Variants in ZNF66 observed in about 807,000 individuals in gnomAD.
The protein encoded by ZNF66 is zinc finger protein 66, also known as putative zinc finger protein 66.
ZNF66 carries 32 observed loss-of-function variants against 35.2 expected under a neutral mutation model. The ratio of observed to expected loss-of-function variants is 0.91; its 90% CI spans 0.69 to 1.22. ZNF66 has a LOEUF of 1.22. Among genes scored for constraint, ZNF66 ranks in the 50% most tolerant of loss-of-function variants. The pLI is 0.00. For missense variants in ZNF66, 666 were observed against 543.1 expected (o/e 1.23, Z -2.25); for synonymous variants, 231 against 181.3 (o/e 1.27, Z -2.20).
Position 20,807,028 on chromosome 19 carries a change from T to A in ZNF66, c.1428T>A (p.Thr476=). ...SNLTKHKKIH[T]GEKPYKCEEC... Reference sequence around the variant, plus strand: ...TTACTAAACACAAGAAAATTCATACTGGAGAGAAGCCTTACAAATGTGAAG... The same window carrying A: ...TTACTAAACACAAGAAAATTCATACAGGAGAGAAGCCTTACAAATGTGAAG... Residue 476 remains threonine, a synonymous_variant, in exon 4 of 4, where the codon ACT becomes ACA. Coordinates refer to ENST00000344519, the MANE Select transcript of ZNF66 (RefSeq NM_001355197.2). 1 of 873,678 alleles carries A rather than the reference T, an allele frequency of 1.1e-6. No individual in the cohort carries two copies. The highest frequency in any genetic ancestry group is 2.0e-6 in the Non-Finnish European group (1 of 509,712). 54.1% of individuals were successfully genotyped at this position (873,678 alleles called of 1,614,324 possible).
intron 3 of ZNF66, among the ~76,000 whole-genome samples, chr19:20,802,415 A>T (rs1971456277): frequency 1.3e-5 from 2 of 152,212 alleles, no homozygotes; most frequent in African/African-American, 4.8e-5. Flanking sequence ...TACAGGTGTG[A>T]GTCACTGCAC....
chr19:20,791,046 C>T (rs988058429), intron 1 of ZNF66, among the ~76,000 whole-genome samples: 3 of 152,084 alleles, frequency 2.0e-5, no homozygotes, highest in African/African-American at 4.8e-5. Flanking sequence ...AAAAATGTTC[C>T]GTTTGTGGCT....
At position 20,807,324 on chromosome 19, in the gene ZNF66, C is replaced by G. The variant is rs1185369406; in HGVS notation, c.*2C>G. 3 of 638,266 alleles carry G rather than the reference C, an allele frequency of 4.7e-6. No homozygotes were observed. 39.5% of individuals were successfully genotyped at this position (638,266 alleles called of 1,614,324 possible). On this transcript the variant is annotated 3_prime_UTR_variant, in exon 4 of 4. Coordinates refer to ENST00000344519, the MANE Select transcript of ZNF66 (RefSeq NM_001355197.2). ...TGTGAAAATGTGGCAAAGCCTTAGA[C>G]ACTCCTCTACCCTTACTAGACATAA...
At chr19:20,781,725 C>G (rs1426419260) in intron 1 of ZNF66, among the ~76,000 whole-genome samples, 1 of 152,074 alleles carries the variant, frequency 6.6e-6, no homozygotes, top group Non-Finnish European at 1.5e-5. Context: ...GCAGGCTGGT[C>G]TCCAACTCCT....
intron 1 of ZNF66, among the ~76,000 whole-genome samples, chr19:20,786,762 TTTTG>T (rs945570425): frequency 5.9e-5 from 9 of 152,162 alleles, no homozygotes; most frequent in South Asian, 2.1e-4. Flanking sequence ...GACACTATAT[TTTTG>T]TTTGTTTGTT....
At chr19:20,797,189 A>ATTTTTTTTTTTTTTTTTTTTTTTTTTTT (rs142052913) in intron 3 of ZNF66, among the ~76,000 whole-genome samples, 1 of 45,480 alleles carries the variant, frequency 2.2e-5, no homozygotes, top group Non-Finnish European at 4.1e-5. Flanking sequence ...TGCATGCTAG[A>ATTTTTTTTTTTTTTTTTTTTTTTTTTTT]TTTTTTTTTT....
chr19:20,792,437 T>C (rs533000732), intron 1 of ZNF66, 75 bp from the exon 2 acceptor site: 3 of 1,305,152 alleles, frequency 2.3e-6, no homozygotes, highest in Admixed American at 2.3e-5. Flanking sequence ...CTTTACTCTC[T>C]CATTTCACCT....
In ZNF66 at chr19:20,808,601, T is replaced by G. The variant is rs1971551412; in HGVS notation, c.*1279T>G. 6.6e-6 allele frequency among the ~76,000 whole-genome samples: 1 copy of G among 152,154 alleles called. No homozygotes were observed. The highest frequency in any genetic ancestry group is 1.9e-4 in the East Asian group (1 of 5,184). On this transcript the variant is annotated 3_prime_UTR_variant, in exon 4 of 4. Transcript: ENST00000344519. Reference sequence around the variant, plus strand: ...AGGCAAACAGCGTCTGGAGTGGACCTCTAGCAAACTCCAACAGACCTGCAG... The same window carrying G: ...AGGCAAACAGCGTCTGGAGTGGACCGCTAGCAAACTCCAACAGACCTGCAG...
At position 20,806,496 on chromosome 19, in the gene ZNF66, C is replaced by T; in HGVS notation, c.896C>T (p.Ser299Phe). ...GGCAAAGTTTTTAAGTACCTTTCTT[C>T]CCTTTCTACACATAAGATAATTCAT... ...ECGKVFKYLSSLSTHKIIHTG... is the reference protein window; with the variant it reads ...ECGKVFKYLSFLSTHKIIHTG... Residue 299 changes from serine (S) to phenylalanine (F), a missense_variant, in exon 4 of 4, where the codon TCC becomes TTC. Physicochemically the swap from Ser to Phe is radical, Grantham distance 155. Transcript: ENST00000344519. 2.0e-6 allele frequency: 3 copies of T among 1,516,346 alleles called. No homozygotes were observed. Among genetic ancestry groups the T allele is most frequent in the South Asian group, 2.2e-5 (2 of 89,028 alleles). 93.9% of individuals were successfully genotyped at this position (1,516,346 alleles called of 1,614,324 possible). A position where few individuals can be genotyped will look rare whatever the true frequency, so the allele number is the denominator to read the frequency against.
intron 3 of ZNF66, chr19:20,798,853 ATTC>A (rs1971419615): frequency 6.6e-6 from 1 of 152,126 alleles, no homozygotes; most frequent in African/African-American, 2.4e-5. Context: ...TGACAAGATT[ATTC>A]TTTTTAAAGT....
intron 1 of ZNF66, among the ~76,000 whole-genome samples, chr19:20,779,674 C>G (rs533097713): frequency 6.7e-6 from 1 of 149,728 alleles, no homozygotes; most frequent in Admixed American, 6.7e-5. Context: ...ACTAAAAATA[C>G]AAAAATTACT....
chr19:20,805,124 TGTGA>T (rs1039683572), intron 3 of ZNF66, among the ~76,000 whole-genome samples: 39 of 144,538 alleles, frequency 2.7e-4, no homozygotes, highest in East Asian at 3.9e-4. Context: ...TGTGTGTGTG[TGTGA>T]GAGAGAGAGA....
chr19:20,802,591 A>G (rs569783809), intron 3 of ZNF66, among the ~76,000 whole-genome samples: 1 of 144,234 alleles, frequency 6.9e-6, no homozygotes, highest in Admixed American at 7.0e-5. Flanking sequence ...TTAAGGCTTC[A>G]TTTTTGGCCT....
rs1971192620 is a variant in ZNF66 at position 20,776,317 on chromosome 19, G to A, written c.-131G>A. The A allele has an allele frequency of 7.1e-7, 1 of 1,405,894 alleles. No homozygotes were observed. The highest frequency in any genetic ancestry group is 1.7e-5 in the Admixed American group (1 of 58,490). 87.1% of individuals were successfully genotyped at this position (1,405,894 alleles called of 1,614,324 possible). On this transcript the variant is annotated 5_prime_UTR_variant, in exon 1 of 4. Coordinates refer to ENST00000344519, the MANE Select transcript of ZNF66 (RefSeq NM_001355197.2). ...GGCGGGGTCTTTGTCTCTCCCTGCA[G>A]CTGGAGCTCCAGGTCGTCTGTTCAC...
intron 2 of ZNF66, among the ~76,000 whole-genome samples, chr19:20,793,362 A>C (rs1971360317): frequency 8.6e-6 from 1 of 116,668 alleles, no homozygotes. Context: ...ACAGAGTCTC[A>C]CTCTGTTCCC....
intron 1 of ZNF66, among the ~76,000 whole-genome samples, chr19:20,790,126 G>A (rs1383095119): frequency 6.6e-6 from 1 of 152,236 alleles, no homozygotes; most frequent in Non-Finnish European, 1.5e-5. Flanking sequence ...TACATAAAGT[G>A]GGGCCAAAAT....
Position 20,776,411 on chromosome 19 carries a change from C to T in ZNF66, c.-37C>T. On this transcript the variant is annotated 5_prime_UTR_variant, in exon 1 of 4. Coordinates refer to ENST00000344519, the MANE Select transcript of ZNF66 (RefSeq NM_001355197.2). ...TGTGTCCTGCAGGTATTGGGAGATC[C>T]ACAGCTAAGACGCCAGGACCCCCTG... 6.4e-7 allele frequency: 1 copy of T among 1,555,812 alleles called. No individual in the cohort carries two copies.
At chr19:20,798,885 A>G (rs949335560) in intron 3 of ZNF66, 2 of 152,142 alleles carry the variant, frequency 1.3e-5, no homozygotes, top group Non-Finnish European at 1.5e-5. Flanking sequence ...ATTCCATTGT[A>G]TGTGTATGTT....
In ZNF66 at chr19:20,792,512, G is replaced by A; in HGVS notation, c.4G>A (p.Gly2Arg). The change falls in exon 2 of 4, where the codon GGG (glycine) becomes AGG (arginine). Residue 2 changes from glycine (G) to arginine (R), a missense_variant and splice_region_variant. Gly to Arg is a moderately radical substitution (Grantham distance 125). Coordinates refer to ENST00000344519, the MANE Select transcript of ZNF66 (RefSeq NM_001355197.2). Reference sequence around the variant, plus strand: ...AAATGTGTGTGTGTATATTTTTCAGGGGCCATTGCAATTTAGAGATGTGGC... The same window carrying A: ...AAATGTGTGTGTGTATATTTTTCAGAGGCCATTGCAATTTAGAGATGTGGC... M[G>R]PLQFRDVAIE... The A allele has an allele frequency of 6.6e-7, 1 of 1,522,568 alleles. No individual in the cohort carries two copies. Among genetic ancestry groups the A allele is most frequent in the Non-Finnish European group, 9.0e-7 (1 of 1,108,070 alleles). 94.3% of individuals were successfully genotyped at this position (1,522,568 alleles called of 1,614,324 possible).
Sources: gnomAD v4.1 joint callset for allele counts (sites outside exome capture counted in the v4.1 genomes callset) on GRCh38, gnomAD v4.1.1 for gene constraint, MANE v1.5 for transcripts, NCBI Gene and HGNC (gene_info 2026-07-23, HGNC 2026-07-21) for gene names.